Variants in AGAP1 observed in about 807,000 individuals in gnomAD.
AGAP1 encodes the protein ArfGAP with GTPase domain, ankyrin repeat and PH domain 1, also known as arf-GAP with GTPase, ANK repeat and PH domain-containing protein 1.
A neutral mutation model predicts 105.3 loss-of-function variants in AGAP1; 29 were observed. The ratio of observed to expected loss-of-function variants is 0.28; its 90% CI spans 0.21 to 0.38. The LOEUF is 0.38. Among genes scored for constraint, AGAP1 ranks in the 10% least tolerant of loss-of-function variants. The pLI, the probability that AGAP1 is intolerant of heterozygous loss-of-function variation, is 1.00. For missense variants in AGAP1, 998 were observed against 1,165.1 expected, an observed-to-expected ratio of 0.86 and a Z score of 2.09; for synonymous variants, 509 against 485.9, an observed-to-expected ratio of 1.05 and a Z score of -0.63.
chr2:235,798,121 G>A (rs929965819), intron 7 of AGAP1, among the ~76,000 whole-genome samples: 19 of 152,094 alleles, frequency 1.2e-4, no homozygotes, highest in Non-Finnish European at 2.4e-4. Flanking sequence ...ATGCTGGCCC[G>A]GGTGGTGATG....
At chr2:235,832,054 T>G (rs538308836) in intron 9 of AGAP1, among the ~76,000 whole-genome samples, 1 of 152,348 alleles carries the variant, frequency 6.6e-6, no homozygotes, top group East Asian at 1.9e-4. Context: ...AGTTACCTAA[T>G]GACATATAAT....
chr2:235,806,829 C>T (rs904341984), intron 8 of AGAP1, among the ~76,000 whole-genome samples: 6 of 152,202 alleles, frequency 3.9e-5, no homozygotes, highest in Non-Finnish European at 5.9e-5. Flanking sequence ...ATCATTCAAA[C>T]ATTAATTAAA....
At chr2:235,711,080 C>T (rs919701812) in intron 2 of AGAP1, among the ~76,000 whole-genome samples, 3 of 152,218 alleles carry the variant, frequency 2.0e-5, no homozygotes, top group African/African-American at 7.2e-5. Context: ...GCTTCCACCA[C>T]CGCACTGCCT....
chr2:235,922,809 G>A (rs574110851), intron 11 of AGAP1, among the ~76,000 whole-genome samples: 1 of 152,306 alleles, frequency 6.6e-6, no homozygotes, highest in Admixed American at 6.5e-5. Context: ...AGATATAAAT[G>A]CCATATTCAC....
intron 9 of AGAP1, among the ~76,000 whole-genome samples, chr2:235,861,004 C>T (rs2048906598): frequency 6.6e-6 from 1 of 152,170 alleles, no homozygotes; most frequent in Non-Finnish European, 1.5e-5. Context: ...ATATCTGAAC[C>T]AGGCAAGGAG....
In AGAP1 at chr2:235,705,083, C is replaced by T. The variant is rs1950473138; in HGVS notation, c.164-4096C>T. Among the ~76,000 whole-genome samples the T allele has an allele frequency of 6.7e-6, 1 of 148,698 alleles. No individual in the cohort carries two copies. The highest frequency in any genetic ancestry group is 2.2e-4 in the South Asian group (1 of 4,622). On this transcript the variant is annotated intron_variant, in intron 1 of 17. Transcript: ENST00000304032. The surrounding 1 kb of genome is among the most constrained non-coding windows in gnomAD (Gnocchi z 4.9). ...AACCTCTACCTCCCGGGTTCAAGCA[C>T]TTCTCCTGCCTCAGCCTCCCGAGCA...
intron 4 of AGAP1, among the ~76,000 whole-genome samples, chr2:235,743,220 T>C (rs747096758): frequency 1.2e-4 from 18 of 152,270 alleles, no homozygotes; most frequent in African/African-American, 4.3e-4. Flanking sequence ...ACATGTTAGA[T>C]TGGGGGGTTA....
At chr2:235,859,649 C>T (rs573015071) in intron 9 of AGAP1, among the ~76,000 whole-genome samples, 48 of 151,666 alleles carry the variant, frequency 3.2e-4, no homozygotes, top group Non-Finnish European at 4.6e-4. Flanking sequence ...CGCATTTGTC[C>T]GGAAGGCCTT....
rs545358034 is a variant in AGAP1 at position 235,586,737 on chromosome 2, G to C, written c.163+91888G>C. On this transcript the variant is annotated intron_variant, in intron 1 of 17. Transcript: ENST00000304032. This position sits in a 1 kb window ranked among gnomAD's most constrained non-coding sequence, Gnocchi z 4.2. Reference sequence around the variant, plus strand: ...TGAACAACACAGACCACTAAGAGATGTGACAAAGCTGTTCCATCAGAGGAA... The same window carrying C: ...TGAACAACACAGACCACTAAGAGATCTGACAAAGCTGTTCCATCAGAGGAA... Among the ~76,000 whole-genome samples, 1 of 152,334 alleles carries C rather than the reference G, an allele frequency of 6.6e-6. No homozygotes were observed. The highest frequency in any genetic ancestry group is 2.4e-5 in the African/African-American group (1 of 41,584).
intron 6 of AGAP1, among the ~76,000 whole-genome samples, chr2:235,762,376 G>T (rs1954521437): frequency 6.6e-6 from 1 of 152,144 alleles, no homozygotes; most frequent in South Asian, 2.1e-4. Context: ...GGCTCCAAGA[G>T]GATGTGAGGA....
intron 1 of AGAP1, among the ~76,000 whole-genome samples, chr2:235,538,007 C>T (rs73118487): frequency 0.019 from 2,880 of 152,274 alleles, 101 homozygotes; most frequent in African/African-American, 0.065. Context: ...TTCATATTTT[C>T]TGAGGCTGCT....
At position 236,101,005 on chromosome 2, in the gene AGAP1, AT is replaced by A. The variant is rs1379151516; in HGVS notation, c.2115-19186del. On this transcript the variant is annotated intron_variant, in intron 16 of 17. Transcript: ENST00000304032. This position sits in a 1 kb window ranked among gnomAD's most constrained non-coding sequence, Gnocchi z 4.9. ...ATGCAGGGCAACCCCACTGCAAAGAATGTGAGCATCAGCTAGGCTGACACAG... is the reference window on the plus strand; with the variant it reads ...ATGCAGGGCAACCCCACTGCAAAGAAGTGAGCATCAGCTAGGCTGACACAG... Among the ~76,000 whole-genome samples the A allele has an allele frequency of 6.6e-6, 1 of 152,128 alleles. No individual in the cohort carries two copies. The highest frequency in any genetic ancestry group is 6.6e-5 in the Admixed American group (1 of 15,254).
chr2:235,758,713 T>C (rs977140739), intron 6 of AGAP1, among the ~76,000 whole-genome samples: 1 of 152,216 alleles, frequency 6.6e-6, no homozygotes, highest in Admixed American at 6.5e-5. Flanking sequence ...GCAGCACTTA[T>C]GCGGTACCAA....
chr2:235,545,154 G>C (rs114202264), intron 1 of AGAP1, among the ~76,000 whole-genome samples: 1 of 152,170 alleles, frequency 6.6e-6, no homozygotes, highest in Non-Finnish European at 1.5e-5. Context: ...CACCTTACAA[G>C]TTATTCTAAA....
intron 1 of AGAP1, among the ~76,000 whole-genome samples, chr2:235,706,917 A>T (rs1376143929): frequency 6.6e-6 from 1 of 152,174 alleles, no homozygotes; most frequent in Non-Finnish European, 1.5e-5. Flanking sequence ...GTGTTTTCCA[A>T]ATTAATTGGT....
At chr2:235,786,465 A>G (rs139305217) in intron 6 of AGAP1, among the ~76,000 whole-genome samples, 1 of 152,322 alleles carries the variant, frequency 6.6e-6, no homozygotes, top group East Asian at 1.9e-4. Flanking sequence ...AATCTAAGCT[A>G]TGTTAGCTGC....
At chr2:235,627,320 G>A (rs542482274) in intron 1 of AGAP1, among the ~76,000 whole-genome samples, 1 of 150,578 alleles carries the variant, frequency 6.6e-6, no homozygotes, top group African/African-American at 2.5e-5. Context: ...TACCTCCCGA[G>A]TTTAAGCAAT....
intron 13 of AGAP1, among the ~76,000 whole-genome samples, chr2:235,987,138 TATTG>T (rs770757615): frequency 0.013 from 1,924 of 150,164 alleles, 26 homozygotes; most frequent in Non-Finnish European, 0.019. Context: ...TTTATTTATT[TATTG>T]GTTGGTAGGC....
At position 235,659,373 on chromosome 2, in the gene AGAP1, G is replaced by A. The variant is rs887679005; in HGVS notation, c.164-49806G>A. Among the ~76,000 whole-genome samples the A allele has an allele frequency of 6.6e-6, 1 of 152,244 alleles. No homozygotes were observed. Among genetic ancestry groups the A allele is most frequent in the Admixed American group, 6.5e-5 (1 of 15,286 alleles). On this transcript the variant is annotated intron_variant, in intron 1 of 17. Transcript: ENST00000304032. This position sits in a 1 kb window ranked among gnomAD's most constrained non-coding sequence, Gnocchi z 5.0. Reference sequence around the variant, plus strand: ...AAGTGCCACAGTGTTGTATCTGAGTGAGTAGCGTCCTCCTTAAGCATTGGC... The same window carrying A: ...AAGTGCCACAGTGTTGTATCTGAGTAAGTAGCGTCCTCCTTAAGCATTGGC...
Sources: allele counts gnomAD v4.1 joint callset (sites outside exome capture counted in the v4.1 genomes callset), GRCh38; gene constraint gnomAD v4.1.1; non-coding constraint Gnocchi (gnomAD v3.1); transcripts MANE v1.5; gene names NCBI Gene and HGNC (gene_info 2026-07-23, HGNC 2026-07-21).